The following C1orf87 variants were observed in gnomAD, a reference collection of about 807,000 sequenced individuals.
C1orf87 encodes the protein uncharacterized protein C1orf87.
Under a neutral mutation model 60.5 loss-of-function variants are expected in C1orf87, and 58 were observed. That is an observed-to-expected ratio of 0.96 (90% CI 0.78 to 1.19). C1orf87 has a LOEUF of 1.19. Ranked by LOEUF, C1orf87 falls within the 50% of genes most tolerant of loss-of-function variation. C1orf87 has a pLI of 0.00. For synonymous variants in C1orf87, 236 were observed against 227.4 expected (o/e 1.04, Z -0.34); for missense variants, 673 against 638.6 (o/e 1.05, Z -0.58).
chr1:60,014,451 C>A (rs1269223927), intron 8 of C1orf87, among the ~76,000 whole-genome samples: 2 of 152,012 alleles, frequency 1.3e-5, no homozygotes, highest in African/African-American at 2.4e-5. Flanking sequence ...TTGCTACTCA[C>A]GTGTTGTTTG....
intron 3 of C1orf87, among the ~76,000 whole-genome samples, chr1:60,049,518 T>C (rs1200881347): frequency 6.6e-6 from 1 of 152,142 alleles, no homozygotes. Flanking sequence ...GTGATGCAAG[T>C]TGCAGATTTT....
chr1:60,040,033 C>A lies in C1orf87; in HGVS notation c.631G>T (p.Gly211Ter). ...ELKILDPISS[G>*]FLLQSQLSRL... ...CTCAGCTGAGATTGGAGAAGAAATC[C>A]TGAAGAGATTGGGTCCAGGATCTTC... The change falls in exon 5 of 12, where the codon GGA (glycine) becomes TGA (stop). Residue 211 changes from glycine (G) to a stop codon, truncating the protein, a stop_gained. Coordinates refer to ENST00000371201, the MANE Select transcript of C1orf87 (RefSeq NM_152377.3). LOFTEE classifies it high-confidence loss of function. 1 of 1,614,180 alleles carries A rather than the reference C, an allele frequency of 6.2e-7. No individual in the cohort carries two copies. Among genetic ancestry groups the A allele is most frequent in the Non-Finnish European group, 8.5e-7 (1 of 1,180,028 alleles).
chr1:60,016,706 G>A (rs180919839), intron 8 of C1orf87, among the ~76,000 whole-genome samples: 1 of 152,288 alleles, frequency 6.6e-6, no homozygotes, highest in East Asian at 1.9e-4. Context: ...GTGGTAGAAG[G>A]GCTACACTGG....
At chr1:60,061,286 C>G (rs1645494961) in intron 2 of C1orf87, among the ~76,000 whole-genome samples, 1 of 152,250 alleles carries the variant, frequency 6.6e-6, no homozygotes, top group East Asian at 1.9e-4. Flanking sequence ...CATTTAATCT[C>G]TTTATACAAA....
intron 7 of C1orf87, among the ~76,000 whole-genome samples, chr1:60,029,929 A>G (rs1174598043): frequency 6.6e-6 from 1 of 151,836 alleles, no homozygotes; most frequent in Non-Finnish European, 1.5e-5. Flanking sequence ...GTGAGCCACC[A>G]TGCCCGGTCC....
chr1:60,048,143 G>A (rs1645386492), intron 3 of C1orf87, among the ~76,000 whole-genome samples: 1 of 152,096 alleles, frequency 6.6e-6, no homozygotes, highest in Non-Finnish European at 1.5e-5. Flanking sequence ...GGTTATAAAA[G>A]ATATTGCAGC....
intron 8 of C1orf87, among the ~76,000 whole-genome samples, chr1:60,014,483 A>T (rs1645111393): frequency 1.3e-5 from 2 of 152,106 alleles, no homozygotes; most frequent in Non-Finnish European, 2.9e-5. Context: ...CTTCATAGAA[A>T]TTTTAGTTGG....
intron 2 of C1orf87, among the ~76,000 whole-genome samples, chr1:60,064,894 A>C (rs1190151906): frequency 1.1e-5 from 1 of 93,536 alleles, no homozygotes; most frequent in Non-Finnish European, 1.9e-5. Flanking sequence ...AAATAAATAT[A>C]TATTCTAAAT....
At chr1:60,019,643 A>T (rs1645148457) in intron 8 of C1orf87, among the ~76,000 whole-genome samples, 1 of 152,222 alleles carries the variant, frequency 6.6e-6, no homozygotes, top group African/African-American at 2.4e-5. Flanking sequence ...CAAAATGCTG[A>T]CAGTGATATG....
chr1:60,040,007 G>A lies in C1orf87; in HGVS notation c.657C>T (p.Ser219=). 1 of 1,614,138 alleles carries A rather than the reference G, an allele frequency of 6.2e-7. No individual in the cohort carries two copies. The highest frequency in any genetic ancestry group is 1.1e-5 in the South Asian group (1 of 91,078). ...SSGFLLQSQL[S]RLFLKHEVPL... is the part of the protein sequence containing the mutation. Reference sequence around the variant, plus strand: ...GGACTTCATGCTTCAAAAAGAGGCGGCTCAGCTGAGATTGGAGAAGAAATC... The same window carrying A: ...GGACTTCATGCTTCAAAAAGAGGCGACTCAGCTGAGATTGGAGAAGAAATC... Residue 219 remains serine (S), a synonymous_variant, in exon 5 of 12, where the codon AGC becomes AGT. Transcript: ENST00000371201.
In C1orf87 at chr1:60,025,488, A is replaced by G. The variant is rs748172640; in HGVS notation, c.1040T>C (p.Ile347Thr). ...GCLPLPKVRA[I>T]CGKHGLYLTL... ...CAGATATAATCCATGCTTCCCACAT[A>G]TAGCCCTGACCTACAAGTTAAAAAA... Residue 347 changes from isoleucine to threonine, a missense_variant, in exon 8 of 12, where the codon ATA becomes ACA. Physicochemically the swap from Ile to Thr is moderately conservative, Grantham distance 89. Transcript: ENST00000371201. The G allele has an allele frequency of 1.9e-6, 3 of 1,609,950 alleles. No homozygotes were observed. The South Asian group carries it at 3.3e-5, about 18-fold the overall frequency.
intron 7 of C1orf87, among the ~76,000 whole-genome samples, chr1:60,031,441 GAGA>G (rs1296836315): frequency 6.6e-6 from 1 of 152,188 alleles, no homozygotes; most frequent in Non-Finnish European, 1.5e-5. Flanking sequence ...CGGCTGTGGG[GAGA>G]AGAACATTCA....
chr1:60,023,906 C>T (rs1645181085), intron 8 of C1orf87, among the ~76,000 whole-genome samples: 1 of 152,150 alleles, frequency 6.6e-6, no homozygotes, highest in Admixed American at 6.5e-5. Flanking sequence ...GTGTTTTTCA[C>T]ATTATTACAC....
rs1329634744 is a variant in C1orf87, at chr1:60,010,412, A to G, written c.1172T>C (p.Leu391Ser). ...VEMLTRASSD[L>S]LSDLPTGKNE... ...CTCACCTGTAGGCAAATCAGATAAC[A>G]AATCAGAAGAAGCTCTGGTCAGCAT... is the stretch of plus-strand genomic sequence containing the variant. Residue 391 changes from leucine to serine, a missense_variant, in exon 9 of 12, where the codon TTG (leucine) becomes TCG (serine). Transcript: ENST00000371201. 4.3e-6 allele frequency: 7 copies of G among 1,612,566 alleles called. No individual in the cohort carries two copies. Among genetic ancestry groups the G allele is most frequent in the Non-Finnish European group, 5.1e-6 (6 of 1,178,958 alleles).
At chr1:60,010,591 G>A in intron 8 of C1orf87, 135 bp from the exon 9 acceptor site, 1 of 710,244 alleles carries the variant, frequency 1.4e-6, no homozygotes, top group Non-Finnish European at 2.4e-6. Context: ...TCCAATGCAG[G>A]AAACAGAAAC....
Position 60,041,147 on chromosome 1 carries a change from A to T in C1orf87, c.343-16T>A, listed in dbSNP as rs1574316517. On this transcript the variant is annotated splice_polypyrimidine_tract_variant and intron_variant, in intron 3 of 11. Coordinates refer to ENST00000371201, the MANE Select transcript of C1orf87 (RefSeq NM_152377.3). ...GACTGGGAATCTTAACAGAACAAGG[A>T]CAAAGGGAAGCAAGGAGCAGAAGAG... 3 of 1,535,960 alleles carry T rather than the reference A, an allele frequency of 2.0e-6. No individual in the cohort carries two copies. The Admixed American group carries it at 5.4e-5, about 28-fold the overall frequency.
chr1:59,997,870 A>G (rs767820030), intron 10 of C1orf87, 54 bp from the exon 11 acceptor site: 14 of 1,553,734 alleles, frequency 9.0e-6, no homozygotes, highest in Non-Finnish European at 1.1e-5. Context: ...AGCTTCTCCA[A>G]TCTCTTGGCC....
rs1456568102 is a variant in C1orf87 at position 60,033,597 on chromosome 1, C to A, written c.908G>T (p.Ser303Ile). Reference sequence around the variant, plus strand: ...TGCCATCTTCAAAATCTCCAACAGACTCCTGTTCACTTCTGGCTGTGAGCT... The same window carrying A: ...TGCCATCTTCAAAATCTCCAACAGAATCCTGTTCACTTCTGGCTGTGAGCT... ...HSSSQPEVNR[S>I]LLEILKMALR... is the part of the protein sequence containing the mutation. The change falls in exon 7 of 12, where the codon AGT (serine) becomes ATT (isoleucine). Residue 303 changes from serine (S) to isoleucine (I), a missense_variant. Coordinates refer to ENST00000371201, the MANE Select transcript of C1orf87 (RefSeq NM_152377.3). 3.1e-6 allele frequency: 5 copies of A among 1,613,340 alleles called. No individual in the cohort carries two copies. In the South Asian group the frequency reaches 5.5e-5, roughly 18 times the overall value.
Position 59,990,742 on chromosome 1 carries a change from G to A in C1orf87, c.1572C>T (p.Ala524=). ...TTTCTCCCGAACGGAATCTGCGCAA[G>A]GCCTGGTCGATTTTCTGAGGGCTCA... The part of the protein sequence containing the change: ...LSLSPQKIDQ[A]LRRFRSGENM... Residue 524 remains alanine, a synonymous_variant, in exon 12 of 12, where the codon GCC becomes GCT. Transcript: ENST00000371201. 5 of 1,614,074 alleles carry A rather than the reference G, an allele frequency of 3.1e-6. No individual in the cohort carries two copies. The highest frequency in any genetic ancestry group is 3.4e-6 in the Non-Finnish European group (4 of 1,179,978).
Sources: gnomAD v4.1 joint callset for allele counts (sites outside exome capture counted in the v4.1 genomes callset) on GRCh38, gnomAD v4.1.1 for gene constraint, MANE v1.5 for transcripts, NCBI Gene and HGNC (gene_info 2026-07-23, HGNC 2026-07-21) for gene names.